The following ARSJ variants were observed in gnomAD, a reference collection of about 807,000 sequenced individuals.
ARSJ encodes the protein arylsulfatase J.
A neutral mutation model predicts 35.9 loss-of-function variants in ARSJ; 26 were observed. The ratio of observed to expected loss-of-function variants is 0.72; its 90% CI spans 0.53 to 1.00. The LOEUF (loss-of-function observed/expected upper bound fraction) is 1.00. ARSJ is among the 50% of genes least tolerant of loss of function. ARSJ has a pLI of 0.00. For missense variants in ARSJ, 667 were observed against 723.6 expected (o/e 0.92, Z 0.90); for synonymous variants, 294 against 267.6 (o/e 1.10, Z -0.96).
intron 1 of ARSJ, among the ~76,000 whole-genome samples, chr4:113,953,855 T>A (rs181949851): frequency 6.6e-6 from 1 of 152,130 alleles, no homozygotes; most frequent in Admixed American, 6.6e-5. Context: ...AAAAAATGAT[T>A]CACAAGATAG....
Position 113,902,162 on chromosome 4 carries a change from A to G in ARSJ, c.*112T>C, listed in dbSNP as rs1398163704. The G allele has an allele frequency of 6.3e-7, 1 of 1,598,648 alleles. No homozygotes were observed. Among genetic ancestry groups the G allele is most frequent in the Admixed American group, 1.7e-5 (1 of 60,000 alleles). ...CTCTGGAGTGGCACAGCATGAAAAC[A>G]AGCCTGACGCTTAGGCCAGCGATAT... On this transcript the variant is annotated 3_prime_UTR_variant, in exon 2 of 2. Transcript: ENST00000315366.
At chr4:113,961,815 C>T (rs891415969) in intron 1 of ARSJ, among the ~76,000 whole-genome samples, 1 of 151,820 alleles carries the variant, frequency 6.6e-6, no homozygotes, top group African/African-American at 2.4e-5. Context: ...CCAACTACTG[C>T]TCAGACTCTT....
chr4:113,934,887 A>G (rs1724672881), intron 1 of ARSJ, among the ~76,000 whole-genome samples: 1 of 151,842 alleles, frequency 6.6e-6, no homozygotes. Context: ...ATCTTTTACT[A>G]CACTGGAATA....
intron 1 of ARSJ, among the ~76,000 whole-genome samples, chr4:113,952,471 A>G (rs913714878): frequency 2.0e-5 from 3 of 152,128 alleles, no homozygotes; most frequent in Admixed American, 1.3e-4. Flanking sequence ...ATGCTTTAAA[A>G]TATTTTCATA....
chr4:113,924,088 T>A (rs57870565), intron 1 of ARSJ, among the ~76,000 whole-genome samples: 101,674 of 125,852 alleles, frequency 0.81, 40,577 homozygotes, highest in East Asian at 0.88. Context: ...TATATATATA[T>A]ATATATATAT....
chr4:113,969,344 C>T (rs1358453662), intron 1 of ARSJ, among the ~76,000 whole-genome samples: 1 of 146,950 alleles, frequency 6.8e-6, no homozygotes, highest in African/African-American at 2.5e-5. Context: ...AAAATTAAAA[C>T]ACATGGGGTT....
intron 1 of ARSJ, among the ~76,000 whole-genome samples, chr4:113,964,684 A>G (rs1562374398): frequency 1.3e-5 from 2 of 152,102 alleles, no homozygotes; most frequent in Non-Finnish European, 2.9e-5. Flanking sequence ...ATGGCAATAA[A>G]TCACCATGGA....
At position 113,901,376 on chromosome 4, in the gene ARSJ, T is replaced by C. The variant is rs1307220117; in HGVS notation, c.*898A>G. 1 of 152,204 alleles carries C rather than the reference T, an allele frequency of 6.6e-6. No homozygotes were observed. Among genetic ancestry groups the C allele is most frequent in the East Asian group, 1.9e-4 (1 of 5,206 alleles). 9.4% of individuals were successfully genotyped at this position (152,204 alleles called of 1,614,324 possible). A position where few individuals can be genotyped will look rare whatever the true frequency, so the allele number is the denominator to read the frequency against. ...GTTTTCTGAATGATGTTTTTTATAG[T>C]CTGAATTCACACAGTATTACATTAA... On this transcript the variant is annotated 3_prime_UTR_variant, in exon 2 of 2. Coordinates refer to ENST00000315366, the MANE Select transcript of ARSJ (RefSeq NM_024590.4).
rs560267631 is a variant in ARSJ at position 113,930,861 on chromosome 4, T to G, written c.399-27186A>C. On this transcript the variant is annotated intron_variant, in intron 1 of 1. Transcript: ENST00000315366. ...TATGCAGCCATAAAAAATGATGAGTTCATGTCCTTTGTAGGGACATGGATG... is the reference window on the plus strand; with the variant it reads ...TATGCAGCCATAAAAAATGATGAGTGCATGTCCTTTGTAGGGACATGGATG... Among the ~76,000 whole-genome samples the G allele has an allele frequency of 2.6e-5, 4 of 150,954 alleles. No individual in the cohort carries two copies. In the East Asian group the frequency reaches 7.8e-4, roughly 29 times the overall value.
intron 1 of ARSJ, among the ~76,000 whole-genome samples, chr4:113,922,979 C>T (rs1352058001): frequency 2.0e-5 from 3 of 152,126 alleles, no homozygotes; most frequent in Admixed American, 6.6e-5. Context: ...AGATTACCCT[C>T]CATAATATGG....
At chr4:113,976,978 T>C (rs892697037) in intron 1 of ARSJ, among the ~76,000 whole-genome samples, 61 of 152,348 alleles carry the variant, frequency 4.0e-4, no homozygotes, top group African/African-American at 1.5e-3. Flanking sequence ...ACATATGCTT[T>C]ATTGTGAAAA....
At chr4:113,936,854 T>C (rs1401456259) in intron 1 of ARSJ, among the ~76,000 whole-genome samples, 2 of 151,874 alleles carry the variant, frequency 1.3e-5, no homozygotes, top group Non-Finnish European at 2.9e-5. Context: ...ACAATAAACA[T>C]TTGGTTATTT....
At chr4:113,919,632 A>T (rs929550275) in intron 1 of ARSJ, among the ~76,000 whole-genome samples, 1 of 152,168 alleles carries the variant, frequency 6.6e-6, no homozygotes, top group Non-Finnish European at 1.5e-5. Context: ...CATATGAGGT[A>T]GAAGGGACAT....
In ARSJ at chr4:113,978,430, C is replaced by T; in HGVS notation, c.398+7G>A. On this transcript the variant is annotated splice_region_variant and intron_variant, in intron 1 of 1. Transcript: ENST00000315366. The stretch of plus-strand genomic sequence containing the variant: ...AAGGAATAAATATAAGAAGTAGGAA[C>T]ACTTACTTTCCAGTAATAAACTGAC... 6.4e-7 allele frequency: 1 copy of T among 1,573,678 alleles called. No individual in the cohort carries two copies. The highest frequency in any genetic ancestry group is 1.4e-5 in the African/African-American group (1 of 73,394).
rs940375863 is a variant in ARSJ at position 113,900,984 on chromosome 4, A to C, written c.*1290T>G. ...AACTAGTTTTGCACCAACCTAATAT[A>C]AATGTTAGTTATTATTATGGGAAAA... On this transcript the variant is annotated 3_prime_UTR_variant, in exon 2 of 2. Transcript: ENST00000315366. 1 of 152,146 alleles carries C rather than the reference A, an allele frequency of 6.6e-6. No homozygotes were observed. The highest frequency in any genetic ancestry group is 1.5e-5 in the Non-Finnish European group (1 of 68,038). The allele number at this position is 152,146 out of a possible 1,614,324, so 9.4% of individuals were successfully genotyped here. A position where few individuals can be genotyped will look rare whatever the true frequency, so the allele number is the denominator to read the frequency against.
intron 1 of ARSJ, among the ~76,000 whole-genome samples, chr4:113,943,099 G>A (rs1356302530): frequency 6.6e-6 from 1 of 151,990 alleles, no homozygotes; most frequent in Non-Finnish European, 1.5e-5. Context: ...ATCACTGTGG[G>A]CTGAAACTTG....
At chr4:113,926,418 T>C (rs1164983504) in intron 1 of ARSJ, among the ~76,000 whole-genome samples, 2 of 152,160 alleles carry the variant, frequency 1.3e-5, no homozygotes, top group Non-Finnish European at 2.9e-5. Context: ...AGAAAGGGGC[T>C]GAAGTGCTGC....
Position 113,978,744 on chromosome 4 carries a change from C to T in ARSJ, c.91G>A (p.Ala31Thr), listed in dbSNP as rs755542752. The T allele has an allele frequency of 6.2e-7, 1 of 1,614,234 alleles. No individual in the cohort carries two copies. The highest frequency in any genetic ancestry group is 1.1e-5 in the South Asian group (1 of 91,086). The change falls in exon 1 of 2, where the codon GCA becomes ACA. Residue 31 changes from alanine to threonine, a missense_variant. Physicochemically the swap from Ala to Thr is moderately conservative, Grantham distance 58. Coordinates refer to ENST00000315366, the MANE Select transcript of ARSJ (RefSeq NM_024590.4). ...PGKMLAMGAL[A>T]GFWILCLLTY... Reference sequence around the variant, plus strand: ...AGGAGGCAGAGGATCCAGAATCCTGCCAGCGCCCCCATTGCTAGCATCTTT... The same window carrying T: ...AGGAGGCAGAGGATCCAGAATCCTGTCAGCGCCCCCATTGCTAGCATCTTT...
chr4:113,935,412 T>C (rs559018680), intron 1 of ARSJ, among the ~76,000 whole-genome samples: 1 of 151,960 alleles, frequency 6.6e-6, no homozygotes, highest in Admixed American at 6.6e-5. Context: ...AATGTCAAGA[T>C]ATATAAAAAG....
Sources: allele counts gnomAD v4.1 joint callset (sites outside exome capture counted in the v4.1 genomes callset), GRCh38; gene constraint gnomAD v4.1.1; transcripts MANE v1.5; gene names NCBI Gene and HGNC (gene_info 2026-07-23, HGNC 2026-07-21).